Variants in FHIT observed in about 807,000 individuals in gnomAD.
FHIT encodes the protein fragile histidine triad diadenosine triphosphatase, also known as bis(5'-adenosyl)-triphosphatase.
A neutral mutation model predicts 17.9 loss-of-function variants in FHIT; 19 were observed. The observed-to-expected ratio is 1.06, with a 90% confidence interval of 0.74 to 1.56. FHIT has a LOEUF of 1.56. FHIT is among the 40% of genes most tolerant of loss of function. FHIT has a pLI of 0.00. For missense variants in FHIT, 248 were observed against 189.2 expected (o/e 1.31, Z -1.82); for synonymous variants, 81 against 69.7 (o/e 1.16, Z -0.81).
At chr3:60,108,578 C>A (rs1326441107) in intron 5 of FHIT, among the ~76,000 whole-genome samples, 3 of 152,116 alleles carry the variant, frequency 2.0e-5, no homozygotes, top group Non-Finnish European at 4.4e-5. Context: ...GCCTGAAGGA[C>A]AGGGGACTCC....
intron 7 of FHIT, among the ~76,000 whole-genome samples, chr3:59,964,785 T>G (rs1707844999): frequency 6.6e-6 from 1 of 151,968 alleles, no homozygotes; most frequent in Non-Finnish European, 1.5e-5. Flanking sequence ...AAAAAGCAAG[T>G]TGTATAATTA....
At chr3:60,160,138 GTGTGTC>G (rs1477737682) in intron 5 of FHIT, among the ~76,000 whole-genome samples, 2 of 143,824 alleles carry the variant, frequency 1.4e-5, no homozygotes, top group Non-Finnish European at 3.2e-5. Flanking sequence ...GTGTGTGTGT[GTGTGTC>G]TGTGTGTCTG....
intron 5 of FHIT, among the ~76,000 whole-genome samples, chr3:60,398,751 G>T (rs1031551897): frequency 6.6e-6 from 1 of 151,908 alleles, no homozygotes; most frequent in African/African-American, 2.4e-5. Context: ...GAAGGAATAA[G>T]GTACCTGGAA....
intron 5 of FHIT, among the ~76,000 whole-genome samples, chr3:60,442,288 T>C (rs765259143): frequency 1.3e-5 from 2 of 152,128 alleles, no homozygotes; most frequent in Non-Finnish European, 2.9e-5. Flanking sequence ...ACTTTTTACA[T>C]AGAATCAAAA....
At chr3:60,972,647 A>C (rs2107532550) in intron 3 of FHIT, among the ~76,000 whole-genome samples, 1 of 152,160 alleles carries the variant, frequency 6.6e-6, no homozygotes, top group East Asian at 1.9e-4. Flanking sequence ...TCTTCAAATA[A>C]TACTTATGCC....
At chr3:60,439,479 G>A (rs765597759) in intron 5 of FHIT, among the ~76,000 whole-genome samples, 6 of 152,088 alleles carry the variant, frequency 3.9e-5, no homozygotes, top group South Asian at 4.2e-4. Flanking sequence ...TACCCACCCC[G>A]GTTACCCACT....
chr3:60,739,646 C>T (rs573903578), intron 4 of FHIT, among the ~76,000 whole-genome samples: 2 of 152,278 alleles, frequency 1.3e-5, no homozygotes, highest in Admixed American at 1.3e-4. Flanking sequence ...GGTAGTAGCA[C>T]ACATACTCCC....
intron 3 of FHIT, among the ~76,000 whole-genome samples, chr3:60,993,675 C>A (rs1335462736): frequency 6.6e-6 from 1 of 152,152 alleles, no homozygotes; most frequent in Admixed American, 6.5e-5. Context: ...TAAAATTATA[C>A]CAATTCTTTG....
chr3:60,863,347 T>A (rs111387159), intron 3 of FHIT, among the ~76,000 whole-genome samples: 63 of 152,352 alleles, frequency 4.1e-4, no homozygotes, highest in Middle Eastern at 3.4e-3. Context: ...GCGCTGCTGA[T>A]ACCTCGATTT....
At chr3:61,221,362 A>T in intron 1 of FHIT, among the ~76,000 whole-genome samples, 1 of 152,248 alleles carries the variant, frequency 6.6e-6, no homozygotes, top group Non-Finnish European at 1.5e-5. Context: ...TTTGAGAAAA[A>T]GAGGTTCATC....
At chr3:61,076,486 G>A (rs749039787) in intron 2 of FHIT, among the ~76,000 whole-genome samples, 11 of 152,234 alleles carry the variant, frequency 7.2e-5, no homozygotes, top group African/African-American at 2.2e-4. Flanking sequence ...AATGCTGAAC[G>A]GACCATGCAT....
At chr3:61,224,768 C>A (rs1314729296) in intron 1 of FHIT, among the ~76,000 whole-genome samples, 1 of 152,150 alleles carries the variant, frequency 6.6e-6, no homozygotes, top group African/African-American at 2.4e-5. Flanking sequence ...AGGATGACAG[C>A]ATTTCCACCA....
In FHIT at chr3:60,464,199, C is replaced by T. The variant is rs529999389; in HGVS notation, c.103+72661G>A. Among the ~76,000 whole-genome samples the T allele has an allele frequency of 1.1e-4, 16 of 152,174 alleles. No individual in the cohort carries two copies. In the South Asian group the frequency reaches 2.3e-3, roughly 22 times the overall value. ...GAAAAGAACTAGGTATTTCTAGGTT[C>T]CCCTGCATTCATTTTTTTAAAAAAT... On this transcript the variant is annotated intron_variant, in intron 5 of 9. Coordinates refer to ENST00000492590, the MANE Select transcript of FHIT (RefSeq NM_002012.4).
At chr3:59,905,968 G>A (rs1375194848) in intron 8 of FHIT, among the ~76,000 whole-genome samples, 1 of 152,168 alleles carries the variant, frequency 6.6e-6, no homozygotes, top group Non-Finnish European at 1.5e-5. Flanking sequence ...TTTCTGGAAG[G>A]TACTGTGTGA....
intron 4 of FHIT, among the ~76,000 whole-genome samples, chr3:60,619,164 AT>A (rs558670936): frequency 2.0e-4 from 31 of 152,134 alleles, no homozygotes; most frequent in African/African-American, 6.8e-4. Flanking sequence ...AGTATCATGT[AT>A]TTTTTCCTCT....
intron 2 of FHIT, among the ~76,000 whole-genome samples, chr3:61,138,698 G>A (rs957388788): frequency 2.6e-5 from 4 of 152,168 alleles, no homozygotes; most frequent in African/African-American, 9.7e-5. Context: ...GGCTAATGTG[G>A]CTTGGCTCTG....
chr3:60,789,584 T>G (rs1188982259), intron 4 of FHIT, among the ~76,000 whole-genome samples: 1 of 152,174 alleles, frequency 6.6e-6, no homozygotes, highest in African/African-American at 2.4e-5. Context: ...TCTAAGATTC[T>G]CTGGATTCTC....
At chr3:60,603,100 T>A (rs1459054494) in intron 4 of FHIT, among the ~76,000 whole-genome samples, 1 of 152,114 alleles carries the variant, frequency 6.6e-6, no homozygotes, top group African/African-American at 2.4e-5. Flanking sequence ...GTAAGAGAGG[T>A]AGCTGGAAAG....
intron 1 of FHIT, among the ~76,000 whole-genome samples, chr3:61,207,882 C>G (rs572875026): frequency 6.6e-6 from 1 of 152,050 alleles, no homozygotes; most frequent in South Asian, 2.1e-4. Flanking sequence ...GCTCTTGCTT[C>G]TCTAGTTCTT....
Sources: allele counts gnomAD v4.1 joint callset (sites outside exome capture counted in the v4.1 genomes callset), GRCh38; gene constraint gnomAD v4.1.1; transcripts MANE v1.5; gene names NCBI Gene and HGNC (gene_info 2026-07-23, HGNC 2026-07-21).